CFAP53: variants seen among roughly 807,000 people sequenced by gnomAD.
The protein encoded by CFAP53 is cilia and flagella associated protein 53.
Under a neutral mutation model 59.7 loss-of-function variants are expected in CFAP53, and 62 were observed. The observed-to-expected ratio is 1.04, with a 90% CI of 0.85 to 1.28. CFAP53 has a LOEUF of 1.28. CFAP53 is among the 50% of genes most tolerant of loss of function. The probability of loss-of-function intolerance (pLI) is 0.00; values close to 1 mark genes in which losing one functional copy is unlikely to be tolerated. For synonymous variants in CFAP53, 218 were observed against 205.7 expected (o/e 1.06, Z -0.51); for missense variants, 629 against 615.6 (o/e 1.02, Z -0.23).
chr18:50,248,140 A>C (rs12605007), intron 5 of CFAP53, among the ~76,000 whole-genome samples: 2 of 151,460 alleles, frequency 1.3e-5, no homozygotes, highest in Admixed American at 1.3e-4. Context: ...AAAAAAAAAA[A>C]AAAAAACAGA....
intron 7 of CFAP53, among the ~76,000 whole-genome samples, chr18:50,236,946 A>G (rs1486073750): frequency 6.6e-6 from 1 of 152,026 alleles, no homozygotes; most frequent in East Asian, 1.9e-4. Context: ...ACCAATTCAG[A>G]AGTTTAGCAG....
intron 3 of CFAP53, chr18:50,255,919 T>C (rs2144428914): frequency 6.6e-6 from 1 of 152,170 alleles, no homozygotes; most frequent in South Asian, 2.1e-4. Context: ...AATATACATA[T>C]TAAAGCCTCA....
At chr18:50,262,900 A>T (rs1599133727) in intron 1 of CFAP53, among the ~76,000 whole-genome samples, 1 of 152,334 alleles carries the variant, frequency 6.6e-6, no homozygotes, top group African/African-American at 2.4e-5. Flanking sequence ...TATGGTGCCC[A>T]GAAGTTTTAA....
chr18:50,248,129 T>TAAA (rs60474914), intron 5 of CFAP53, among the ~76,000 whole-genome samples: 27 of 135,008 alleles, frequency 2.0e-4, no homozygotes, highest in African/African-American at 5.4e-4. Flanking sequence ...CAACAAAAAT[T>TAAA]AAAAAAAAAA....
chr18:50,263,834 C>T (rs144227739), intron 1 of CFAP53, among the ~76,000 whole-genome samples: 111 of 152,258 alleles, frequency 7.3e-4, no homozygotes, highest in Admixed American at 2.7e-3. Context: ...ATACCATGAG[C>T]AGTACCCAAG....
At chr18:50,233,460 C>T (rs1035749977) in intron 7 of CFAP53, among the ~76,000 whole-genome samples, 10 of 152,274 alleles carry the variant, frequency 6.6e-5, no homozygotes, top group Admixed American at 2.6e-4. Context: ...TGCAAGCGGA[C>T]TTCCAAGATT....
At chr18:50,245,152 G>A (rs1386261567) in intron 5 of CFAP53, among the ~76,000 whole-genome samples, 1 of 151,468 alleles carries the variant, frequency 6.6e-6, no homozygotes, top group Non-Finnish European at 1.5e-5. Flanking sequence ...GGAGGCCGAG[G>A]CGGGTGGATC....
At chr18:50,257,679 T>C (rs2033857782) in intron 3 of CFAP53, among the ~76,000 whole-genome samples, 1 of 152,216 alleles carries the variant, frequency 6.6e-6, no homozygotes, top group Non-Finnish European at 1.5e-5. Context: ...AAAACTTCTA[T>C]ACTACCCAAA....
At chr18:50,261,335 A>G in intron 2 of CFAP53, 98 bp from the exon 3 acceptor site, 1 of 1,280,000 alleles carries the variant, frequency 7.8e-7, no homozygotes, top group South Asian at 1.8e-5. Context: ...AATTTGTAAG[A>G]AAAGAAAGAT....
chr18:50,249,775 T>C (rs2033780207), intron 5 of CFAP53, among the ~76,000 whole-genome samples: 2 of 152,158 alleles, frequency 1.3e-5, no homozygotes, highest in South Asian at 2.1e-4. Flanking sequence ...GATGATGAGA[T>C]GTTCAGTATC....
rs1386530497 is a variant in CFAP53 at position 50,243,009 on chromosome 18, C to A, written c.1104G>T (p.Lys368Asn). The change falls in exon 6 of 8, where the codon AAG becomes AAT. Residue 368 changes from lysine to asparagine, a missense_variant. Physicochemically the swap from Lys to Asn is moderately conservative, Grantham distance 94. Coordinates refer to ENST00000398545, the MANE Select transcript of CFAP53 (RefSeq NM_145020.5). The part of the protein sequence containing the change: ...KEFDRILEED[K>N]AKKLAEKDKE... ...TGTCCTTCTCAGCCAACTTCTTTGC[C>A]TTGTCTTCCTCTAATATTCTGTCAA... 2.5e-6 allele frequency: 4 copies of A among 1,613,884 alleles called. No homozygotes were observed. Among genetic ancestry groups the A allele is most frequent in the Non-Finnish European group, 3.4e-6 (4 of 1,180,004 alleles).
chr18:50,234,846 A>G (rs921077436), intron 7 of CFAP53, among the ~76,000 whole-genome samples: 3 of 152,236 alleles, frequency 2.0e-5, no homozygotes, highest in Non-Finnish European at 4.4e-5. Context: ...CATTATAGAG[A>G]GGAATGGTCT....
At chr18:50,230,292 A>G (rs773661523) in intron 7 of CFAP53, among the ~76,000 whole-genome samples, 12 of 152,142 alleles carry the variant, frequency 7.9e-5, no homozygotes, top group Non-Finnish European at 1.5e-4. Context: ...TGGTCACTAG[A>G]AAGACCAAGT....
At chr18:50,229,688 C>T (rs773850144) in intron 7 of CFAP53, among the ~76,000 whole-genome samples, 4 of 151,210 alleles carry the variant, frequency 2.6e-5, no homozygotes, top group Non-Finnish European at 5.9e-5. Flanking sequence ...TATAATTTTA[C>T]AATTTATAAG....
chr18:50,235,593 T>C (rs1326640378), intron 7 of CFAP53, among the ~76,000 whole-genome samples: 1 of 152,172 alleles, frequency 6.6e-6, no homozygotes, highest in Non-Finnish European at 1.5e-5. Flanking sequence ...GTAAGATTCA[T>C]ATTACTTTAT....
rs1191228047 is a variant in CFAP53, at chr18:50,227,955, C to CTTTTTTTTTTTTTTTTTTTTTTTTTT, written c.1317-347_1317-346insAAAAAAAAAAAAAAAAAAAAAAAAAA. On this transcript the variant is annotated intron_variant, in intron 7 of 7. Transcript: ENST00000398545. Reference sequence around the variant, plus strand: ...CAAACTGCTCAATTCAACTTTTCTCCTTTTTTTTTTTTTTTTTTTTTTGAG... The same window carrying CTTTTTTTTTTTTTTTTTTTTTTTTTT: ...CAAACTGCTCAATTCAACTTTTCTCCTTTTTTTTTTTTTTTTTTTTTTTTTTTTTTTTTTTTTTTTTTTTTTTTGAG... Among the ~76,000 whole-genome samples, 2 of 90,090 alleles carry CTTTTTTTTTTTTTTTTTTTTTTTTTT rather than the reference C, an allele frequency of 2.2e-5. 1 individual carries two copies. The allele number at this position is 90,090 out of a possible 152,430, so 59.1% of individuals were successfully genotyped here.
chr18:50,247,964 A>C (rs1210305035), intron 5 of CFAP53, among the ~76,000 whole-genome samples: 1 of 152,224 alleles, frequency 6.6e-6, no homozygotes, highest in Non-Finnish European at 1.5e-5. Flanking sequence ...AGCTGTTAAA[A>C]AAATGATTTA....
intron 7 of CFAP53, 64 bp from the exon 8 acceptor site, chr18:50,227,673 A>G (rs1316670380): frequency 2.4e-5 from 29 of 1,193,442 alleles, no homozygotes; most frequent in Non-Finnish European, 3.5e-5. Flanking sequence ...TATTCAGAGC[A>G]TTACAATTAA....
intron 7 of CFAP53, among the ~76,000 whole-genome samples, chr18:50,228,445 A>G (rs1348253918): frequency 6.6e-6 from 1 of 152,128 alleles, no homozygotes; most frequent in East Asian, 1.9e-4. Flanking sequence ...AATAAGCCAC[A>G]TTTTAAATAT....
Sources: gnomAD v4.1 joint callset for allele counts (sites outside exome capture counted in the v4.1 genomes callset) on GRCh38, gnomAD v4.1.1 for gene constraint, MANE v1.5 for transcripts, NCBI Gene and HGNC (gene_info 2026-07-23, HGNC 2026-07-21) for gene names.